The following SCAPER variants were observed in gnomAD, a reference collection of about 807,000 sequenced individuals.
SCAPER encodes S phase cyclin A-associated protein in the endoplasmic reticulum.
SCAPER carries 98 observed loss-of-function variants against 182.2 expected under a neutral mutation model. That is an observed-to-expected ratio of 0.54 (90% CI 0.46 to 0.64). The LOEUF (loss-of-function observed/expected upper bound fraction) is 0.64, where lower values mean the gene tolerates loss of function less well. SCAPER is among the 30% of genes least tolerant of loss of function. The pLI is 0.00. For missense variants in SCAPER, 1,432 were observed against 1,690.0 expected (o/e 0.85, Z 2.68); for synonymous variants, 605 against 564.6 (o/e 1.07, Z -1.01).
intron 26 of SCAPER, among the ~76,000 whole-genome samples, chr15:76,413,971 T>C (rs1436573745): frequency 6.6e-6 from 1 of 152,204 alleles, no homozygotes; most frequent in Non-Finnish European, 1.5e-5. Flanking sequence ...TGAACTTTCA[T>C]GGTTCTTGAT....
In SCAPER at chr15:76,765,472, C is replaced by A; in HGVS notation, c.1496-18G>T. The stretch of plus-strand genomic sequence containing the variant: ...CTCACGAGCTGTTCAGAAAAAAATA[C>A]TATTATTGTTTAGCCACATAGGTCT... On this transcript the variant is annotated intron_variant, in intron 12 of 31. Transcript: ENST00000563290. 3.7e-6 allele frequency: 6 copies of A among 1,611,892 alleles called. No individual in the cohort carries two copies. The highest frequency in any genetic ancestry group is 5.1e-6 in the Non-Finnish European group (6 of 1,178,346).
intron 15 of SCAPER, among the ~76,000 whole-genome samples, chr15:76,740,780 C>T (rs1031242737): frequency 4.0e-5 from 6 of 151,766 alleles, no homozygotes; most frequent in Admixed American, 2.0e-4. Context: ...AGCAATGAGT[C>T]GATTTACATA....
Position 76,611,105 on chromosome 15 carries a change from C to T in SCAPER, c.2711+10659G>A, listed in dbSNP as rs2050940282. Among the ~76,000 whole-genome samples the T allele has an allele frequency of 2.6e-5, 4 of 151,722 alleles. No individual in the cohort carries two copies. In the South Asian group the frequency reaches 8.4e-4, roughly 32 times the overall value. Reference sequence around the variant, plus strand: ...ATAGAATACAGAATCCATAAATAAGCCCACACATTCACAGTCAATTGATCT... The same window carrying T: ...ATAGAATACAGAATCCATAAATAAGTCCACACATTCACAGTCAATTGATCT... On this transcript the variant is annotated intron_variant, in intron 22 of 31. Coordinates refer to ENST00000563290, the MANE Select transcript of SCAPER (RefSeq NM_020843.4).
chr15:76,727,454 T>C (rs574072381), intron 17 of SCAPER, among the ~76,000 whole-genome samples: 1 of 152,160 alleles, frequency 6.6e-6, no homozygotes, highest in South Asian at 2.1e-4. Flanking sequence ...TATAAAAACT[T>C]GGCTTATGTT....
chr15:76,866,450 A>G (rs546799966), intron 2 of SCAPER, among the ~76,000 whole-genome samples: 1 of 152,284 alleles, frequency 6.6e-6, no homozygotes, highest in African/African-American at 2.4e-5. Flanking sequence ...GCTCCACTAT[A>G]AATTTTACCA....
chr15:76,390,587 C>T (rs1287349734), intron 27 of SCAPER, among the ~76,000 whole-genome samples: 1 of 152,110 alleles, frequency 6.6e-6, no homozygotes, highest in Admixed American at 6.5e-5. Context: ...GGGTGACTGA[C>T]AACAAGATAT....
intron 8 of SCAPER, among the ~76,000 whole-genome samples, chr15:76,786,045 T>A (rs2064573122): frequency 6.6e-6 from 1 of 151,834 alleles, no homozygotes; most frequent in South Asian, 2.1e-4. Flanking sequence ...AAAAAATCAA[T>A]GGGCTGAGTA....
intron 25 of SCAPER, among the ~76,000 whole-genome samples, chr15:76,459,543 GTTT>G (rs57690324): frequency 2.8e-5 from 4 of 143,996 alleles, no homozygotes; most frequent in Admixed American, 6.9e-5. Flanking sequence ...AATTATTAGG[GTTT>G]TTTTTTTTTG....
intron 25 of SCAPER, among the ~76,000 whole-genome samples, chr15:76,453,161 G>T (rs1003812298): frequency 3.9e-5 from 6 of 152,168 alleles, no homozygotes; most frequent in Non-Finnish European, 5.9e-5. Context: ...TGAACCTTGT[G>T]AGGATACTCA....
chr15:76,789,813 C>T (rs993446497), intron 8 of SCAPER, among the ~76,000 whole-genome samples: 2 of 152,150 alleles, frequency 1.3e-5, no homozygotes, highest in Non-Finnish European at 1.5e-5. Flanking sequence ...TCATTAAGAA[C>T]GTTGTACTAA....
chr15:76,781,468 G>A (rs547855845), intron 8 of SCAPER, among the ~76,000 whole-genome samples: 1 of 152,294 alleles, frequency 6.6e-6, no homozygotes, highest in South Asian at 2.1e-4. Context: ...ACACTCTTCA[G>A]GATATTATCC....
chr15:76,681,945 G>T (rs1385782971), intron 20 of SCAPER, among the ~76,000 whole-genome samples: 2 of 152,140 alleles, frequency 1.3e-5, no homozygotes, highest in African/African-American at 4.8e-5. Flanking sequence ...CCTGGACAGG[G>T]CAAAGTGGTC....
intron 23 of SCAPER, among the ~76,000 whole-genome samples, chr15:76,536,758 A>G (rs1243196265): frequency 6.6e-6 from 1 of 152,140 alleles, no homozygotes; most frequent in Non-Finnish European, 1.5e-5. Context: ...TTCAATTAGG[A>G]AAAGAGGAAG....
At chr15:76,821,942 C>T (rs927498796) in intron 5 of SCAPER, among the ~76,000 whole-genome samples, 2 of 151,878 alleles carry the variant, frequency 1.3e-5, no homozygotes, top group Non-Finnish European at 2.9e-5. Context: ...ATACAACATT[C>T]TGAAAAAAGC....
intron 4 of SCAPER, chr15:76,855,813 C>T (rs186164022): frequency 1.3e-3 from 546 of 416,106 alleles, no homozygotes; most frequent in African/African-American, 0.01. Context: ...TACTTACACG[C>T]TATTGCTGGG....
chr15:76,888,270 CT>C (rs1478554831), intron 1 of SCAPER, among the ~76,000 whole-genome samples: 2 of 152,230 alleles, frequency 1.3e-5, no homozygotes, highest in Non-Finnish European at 2.9e-5. Context: ...AGTGCTTCTT[CT>C]CCTTCAAAGG....
chr15:76,407,256 G>T (rs1332430891), intron 26 of SCAPER, among the ~76,000 whole-genome samples: 1 of 152,158 alleles, frequency 6.6e-6, no homozygotes, highest in Non-Finnish European at 1.5e-5. Flanking sequence ...TATACAGTAT[G>T]TTACTGCAGG....
At chr15:76,353,894 C>T in intron 30 of SCAPER, 55 bp downstream of exon 30, 1 of 1,398,694 alleles carries the variant, frequency 7.1e-7, no homozygotes, top group Non-Finnish European at 9.4e-7. Context: ...TTTTACATTT[C>T]TGTCGCATTA....
At chr15:76,730,456 G>A (rs2060853687) in intron 16 of SCAPER, among the ~76,000 whole-genome samples, 1 of 151,888 alleles carries the variant, frequency 6.6e-6, no homozygotes. Flanking sequence ...TGAAATAGTT[G>A]TAGCTATTTC....
Sources: allele counts gnomAD v4.1 joint callset (sites outside exome capture counted in the v4.1 genomes callset), GRCh38; gene constraint gnomAD v4.1.1; transcripts MANE v1.5; gene names NCBI Gene and HGNC (gene_info 2026-07-23, HGNC 2026-07-21).